The following ZCCHC7 variants were observed in gnomAD, a reference collection of about 807,000 sequenced individuals.
ZCCHC7 encodes zinc finger CCHC domain-containing protein 7.
Under a neutral mutation model 52.0 loss-of-function variants are expected in ZCCHC7, and 35 were observed. The observed-to-expected ratio is 0.67, with a 90% CI of 0.51 to 0.89. The LOEUF (loss-of-function observed/expected upper bound fraction) is 0.89. Ranked by LOEUF, ZCCHC7 falls within the 40% of genes least tolerant of loss-of-function variation. The pLI is 0.00. For synonymous variants in ZCCHC7, 217 were observed against 221.5 expected (o/e 0.98, Z 0.18); for missense variants, 574 against 649.1 (o/e 0.88, Z 1.26).
chr9:37,351,438 T>C (rs1821372730), intron 7 of ZCCHC7, among the ~76,000 whole-genome samples: 1 of 152,080 alleles, frequency 6.6e-6, no homozygotes, highest in Admixed American at 6.6e-5. Flanking sequence ...CTCGAGTAGC[T>C]GGGATTACAG....
intron 2 of ZCCHC7, among the ~76,000 whole-genome samples, chr9:37,228,296 G>T (rs1024614333): frequency 2.6e-5 from 4 of 152,052 alleles, no homozygotes; most frequent in African/African-American, 9.7e-5. Flanking sequence ...TACCTTAATT[G>T]TGTAGATATT....
At position 37,272,607 on chromosome 9, in the gene ZCCHC7, T is replaced by A. The variant is rs186081430; in HGVS notation, c.611-29581T>A. On this transcript the variant is annotated intron_variant, in intron 2 of 8. Transcript: ENST00000336755. ...TCTTTCATATATATGTGAATATTCA[T>A]CACCCTAATATTTATGGAAATCAAT... Among the ~76,000 whole-genome samples, 69 of 151,598 alleles carry A rather than the reference T, an allele frequency of 4.6e-4. 1 individual carries two copies. Among genetic ancestry groups the A allele is most frequent in the Middle Eastern group, 3.4e-3 (1 of 294 alleles).
At chr9:37,231,622 A>G (rs1825411655) in intron 2 of ZCCHC7, among the ~76,000 whole-genome samples, 1 of 152,234 alleles carries the variant, frequency 6.6e-6, no homozygotes. Context: ...TAAACGATAC[A>G]TAATTTTGTG....
chr9:37,254,121 A>G (rs935688481), intron 2 of ZCCHC7, among the ~76,000 whole-genome samples: 13 of 152,066 alleles, frequency 8.5e-5, no homozygotes, highest in South Asian at 4.1e-4. Context: ...TATTTCAGGT[A>G]TATGGCAGTT....
At chr9:37,275,007 T>C (rs1303097390) in intron 2 of ZCCHC7, among the ~76,000 whole-genome samples, 2 of 152,224 alleles carry the variant, frequency 1.3e-5, no homozygotes, top group East Asian at 3.8e-4. Context: ...GATCACACTG[T>C]CTTAAAAATT....
At chr9:37,212,187 G>A (rs1824278463) in intron 2 of ZCCHC7, among the ~76,000 whole-genome samples, 1 of 151,914 alleles carries the variant, frequency 6.6e-6, no homozygotes, top group East Asian at 1.9e-4. Context: ...AGGCACTACT[G>A]GCATTCAGTG....
intron 2 of ZCCHC7, among the ~76,000 whole-genome samples, chr9:37,168,122 C>T (rs563367433): frequency 6.6e-6 from 1 of 152,238 alleles, no homozygotes; most frequent in South Asian, 2.1e-4. Flanking sequence ...AAGAGTCTAC[C>T]TGGGTTCTTG....
intron 2 of ZCCHC7, among the ~76,000 whole-genome samples, chr9:37,130,097 G>A (rs996302601): frequency 6.6e-6 from 1 of 151,924 alleles, no homozygotes; most frequent in East Asian, 1.9e-4. Flanking sequence ...AAATTAGCTG[G>A]GAGTGGTGGC....
rs552681643 is a variant in ZCCHC7, at chr9:37,147,740, G to A, written c.610+20798G>A. Among the ~76,000 whole-genome samples, 3 of 152,122 alleles carry A rather than the reference G, an allele frequency of 2.0e-5. No individual in the cohort carries two copies. The South Asian group carries it at 6.2e-4, about 32-fold the overall frequency. ...CATCTAAGAAACCACTGGTATTTGA[G>A]TAAATTGTAAGTTAGAATTGATTTT... On this transcript the variant is annotated intron_variant, in intron 2 of 8. Coordinates refer to ENST00000336755, the MANE Select transcript of ZCCHC7 (RefSeq NM_032226.3).
chr9:37,283,337 A>T (rs1017651978), intron 2 of ZCCHC7, among the ~76,000 whole-genome samples: 4 of 152,194 alleles, frequency 2.6e-5, no homozygotes, highest in African/African-American at 9.6e-5. Context: ...GAGAAAACAA[A>T]TTGTAAATTA....
intron 2 of ZCCHC7, among the ~76,000 whole-genome samples, chr9:37,258,240 G>A (rs13296908): frequency 0.48 from 72,950 of 151,802 alleles, 17,772 homozygotes; most frequent in Non-Finnish European, 0.53. Flanking sequence ...TTACATCAGC[G>A]CCTCCTCTCC....
chr9:37,162,582 A>G (rs1311345428), intron 2 of ZCCHC7, among the ~76,000 whole-genome samples: 1 of 152,210 alleles, frequency 6.6e-6, no homozygotes, highest in Non-Finnish European at 1.5e-5. Flanking sequence ...TTTTTATTAT[A>G]TATTGATTGT....
At chr9:37,152,458 T>G (rs1474651773) in intron 2 of ZCCHC7, among the ~76,000 whole-genome samples, 1 of 152,210 alleles carries the variant, frequency 6.6e-6, no homozygotes, top group Non-Finnish European at 1.5e-5. Flanking sequence ...TCTTTTTCTT[T>G]TCTAGGATCC....
intron 2 of ZCCHC7, among the ~76,000 whole-genome samples, chr9:37,143,852 T>G (rs1843328828): frequency 6.6e-6 from 1 of 151,856 alleles, no homozygotes; most frequent in Non-Finnish European, 1.5e-5. Flanking sequence ...ATTATGATAT[T>G]TTGATTTTAT....
intron 6 of ZCCHC7, among the ~76,000 whole-genome samples, chr9:37,344,684 C>T (rs968436162): frequency 3.9e-5 from 6 of 152,140 alleles, no homozygotes; most frequent in Non-Finnish European, 8.8e-5. Context: ...ATTCATATAA[C>T]TATTTTAATT....
rs183569049 is a variant in ZCCHC7, at chr9:37,220,798, A to G, written c.611-81390A>G. Among the ~76,000 whole-genome samples the G allele has an allele frequency of 7.2e-5, 11 of 152,344 alleles. No homozygotes were observed. In the East Asian group the frequency reaches 1.5e-3, roughly 21 times the overall value. On this transcript the variant is annotated intron_variant, in intron 2 of 8. Coordinates refer to ENST00000336755, the MANE Select transcript of ZCCHC7 (RefSeq NM_032226.3). Reference sequence around the variant, plus strand: ...AGGTATGGAGATAAAACATTGTTTTATATGAAGAACAATGAGGAGAGAAGT... The same window carrying G: ...AGGTATGGAGATAAAACATTGTTTTGTATGAAGAACAATGAGGAGAGAAGT...
chr9:37,249,435 A>G (rs890441601), intron 2 of ZCCHC7, among the ~76,000 whole-genome samples: 11 of 116,806 alleles, frequency 9.4e-5, no homozygotes, highest in Non-Finnish European at 1.7e-4. Context: ...CATGTTTTGT[A>G]CTTATATTTT....
chr9:37,154,673 T>A (rs199544846), intron 2 of ZCCHC7, among the ~76,000 whole-genome samples: 32 of 151,184 alleles, frequency 2.1e-4, no homozygotes, highest in Non-Finnish European at 3.4e-4. Flanking sequence ...GTTTTTTTTT[T>A]AAATAGGGAC....
intron 2 of ZCCHC7, among the ~76,000 whole-genome samples, chr9:37,167,730 G>A (rs532752928): frequency 5.9e-5 from 9 of 152,240 alleles, no homozygotes; most frequent in East Asian, 1.9e-4. Flanking sequence ...TGGGCCTTGC[G>A]TTTAAGATTT....
Sources: allele counts gnomAD v4.1 joint callset (sites outside exome capture counted in the v4.1 genomes callset), GRCh38; gene constraint gnomAD v4.1.1; transcripts MANE v1.5; gene names NCBI Gene and HGNC (gene_info 2026-07-23, HGNC 2026-07-21).